USH2A: variants seen among roughly 807,000 people sequenced by gnomAD.
USH2A encodes the protein Usher syndrome 2A (autosomal recessive, mild).
In USH2A, 443 loss-of-function variants were observed where a neutral mutation model predicts 538.9. That is an observed-to-expected ratio of 0.82 (90% CI 0.76 to 0.89). The LOEUF (loss-of-function observed/expected upper bound fraction) is 0.89, where lower values mean the gene tolerates loss of function less well. Among genes scored for constraint, USH2A ranks in the 40% least tolerant of loss-of-function variants. USH2A has a pLI of 0.00. For missense variants in USH2A, 6,633 were observed against 6,324.8 expected, an observed-to-expected ratio of 1.05 and a Z score of -1.65; for synonymous variants, 2,413 against 2,273.5, an observed-to-expected ratio of 1.06 and a Z score of -1.75.
At chr1:215,983,110 C>CTGG (rs1667788213) in intron 35 of USH2A, among the ~76,000 whole-genome samples, 1 of 152,084 alleles carries the variant, frequency 6.6e-6, no homozygotes, top group Non-Finnish European at 1.5e-5. Context: ...GCCACCATGC[C>CTGG]CAGATAATTT....
chr1:216,105,465 G>C (rs978732741), intron 21 of USH2A, among the ~76,000 whole-genome samples: 3 of 151,964 alleles, frequency 2.0e-5, no homozygotes, highest in Non-Finnish European at 1.5e-5. Flanking sequence ...GACATTGGAA[G>C]TCTGAGTCTA....
intron 13 of USH2A, 111 bp downstream of exon 13, chr1:216,246,474 A>C: frequency 7.2e-7 from 1 of 1,395,754 alleles, no homozygotes; most frequent in South Asian, 1.2e-5. Context: ...TACAGTAATG[A>C]TTTTGGAAAT....
intron 49 of USH2A, 150 bp downstream of exon 49, chr1:215,813,586 G>A (rs1300069742): frequency 1.1e-6 from 1 of 898,990 alleles, no homozygotes; most frequent in Non-Finnish European, 1.8e-6. Context: ...GCAGAAGGAA[G>A]AAACAATATT....
intron 37 of USH2A, among the ~76,000 whole-genome samples, chr1:215,944,020 A>G (rs764840830): frequency 6.6e-6 from 1 of 152,176 alleles, no homozygotes; most frequent in South Asian, 2.1e-4. Context: ...AGATTTTTAA[A>G]TTAGCATTCA....
chr1:216,086,411 T>C (rs1436478618), intron 24 of USH2A, among the ~76,000 whole-genome samples: 7 of 152,092 alleles, frequency 4.6e-5, no homozygotes, highest in African/African-American at 1.7e-4. Context: ...CAATTTAAAA[T>C]CTTAGAAAAA....
At chr1:215,727,465 G>A (rs772448731) in intron 61 of USH2A, among the ~76,000 whole-genome samples, 19 of 152,044 alleles carry the variant, frequency 1.2e-4, no homozygotes, top group African/African-American at 4.1e-4. Flanking sequence ...AGTGGCTTAC[G>A]CCTGTAATCC....
At chr1:216,273,903 A>T (rs973219036) in intron 11 of USH2A, among the ~76,000 whole-genome samples, 22 of 152,136 alleles carry the variant, frequency 1.4e-4, no homozygotes, top group African/African-American at 5.3e-4. Context: ...AATACCAAAA[A>T]ATTTTGAATA....
chr1:215,798,320 C>A (rs1662202024), intron 50 of USH2A, among the ~76,000 whole-genome samples: 1 of 152,152 alleles, frequency 6.6e-6, no homozygotes, highest in Admixed American at 6.5e-5. Flanking sequence ...AAATGTCAGG[C>A]TTCCCAAAAT....
chr1:215,830,715 T>A (rs1343452932), intron 47 of USH2A, among the ~76,000 whole-genome samples: 1 of 152,196 alleles, frequency 6.6e-6, no homozygotes, highest in Non-Finnish European at 1.5e-5. Flanking sequence ...ATGCATAGCC[T>A]ATGCAAGCAG....
At chr1:216,110,762 G>A in intron 21 of USH2A, among the ~76,000 whole-genome samples, 1 of 152,170 alleles carries the variant, frequency 6.6e-6, no homozygotes, top group African/African-American at 2.4e-5. Flanking sequence ...TGGTTAAGCA[G>A]GACTGTGAAG....
intron 71 of USH2A, among the ~76,000 whole-genome samples, chr1:215,627,307 A>T (rs981533522): frequency 1.3e-5 from 2 of 152,110 alleles, no homozygotes; most frequent in African/African-American, 4.8e-5. Flanking sequence ...ACCCCAGAGG[A>T]GTAAACACAG....
chr1:215,644,912 C>A (rs1362528637), intron 67 of USH2A, among the ~76,000 whole-genome samples: 2 of 152,072 alleles, frequency 1.3e-5, no homozygotes, highest in Non-Finnish European at 2.9e-5. Context: ...GTAGAAGGAA[C>A]TTTGAATCAA....
At chr1:215,701,512 T>G (rs1426304618) in intron 61 of USH2A, among the ~76,000 whole-genome samples, 3 of 152,216 alleles carry the variant, frequency 2.0e-5, no homozygotes, top group Non-Finnish European at 4.4e-5. Flanking sequence ...CTGTATTGGG[T>G]GCATATAGAT....
chr1:215,629,633 A>T (rs1656190666), intron 70 of USH2A, among the ~76,000 whole-genome samples: 1 of 152,112 alleles, frequency 6.6e-6, no homozygotes, highest in Admixed American at 6.5e-5. Context: ...CAGGTCTGAT[A>T]TTAACATCAG....
intron 11 of USH2A, among the ~76,000 whole-genome samples, chr1:216,271,271 G>C (rs368136793): frequency 1.7e-3 from 256 of 152,160 alleles, no homozygotes; most frequent in Non-Finnish European, 2.9e-3. Context: ...GGAAGGGCAG[G>C]GTGGCCAAAA....
intron 32 of USH2A, among the ~76,000 whole-genome samples, chr1:216,000,796 T>C (rs111828412): frequency 4.1e-4 from 62 of 152,350 alleles, no homozygotes; most frequent in African/African-American, 1.4e-3. Context: ...CTTTTTCATT[T>C]TAACAGTTTT....
intron 21 of USH2A, among the ~76,000 whole-genome samples, chr1:216,131,095 A>C (rs1404444096): frequency 6.6e-6 from 1 of 151,846 alleles, no homozygotes. Flanking sequence ...TCTGTTGGCC[A>C]CTGTATATCC....
chr1:216,391,773 C>G (rs146552765), intron 3 of USH2A, among the ~76,000 whole-genome samples: 1 of 152,304 alleles, frequency 6.6e-6, no homozygotes, highest in African/African-American at 2.4e-5. Context: ...GGGTTGTTTC[C>G]CCTTGGGCGC....
chr1:216,200,977 A>ATCCCTCCCTCCCTTCC (rs2034977471), intron 16 of USH2A, among the ~76,000 whole-genome samples: 1 of 50,108 alleles, frequency 2.0e-5, no homozygotes, highest in African/African-American at 9.9e-5. Context: ...CCCCCCATCC[A>ATCCCTCCCTCCCTTCC]TCCCTCCCTC....
Sources: gnomAD v4.1 joint callset for allele counts (sites outside exome capture counted in the v4.1 genomes callset) on GRCh38, gnomAD v4.1.1 for gene constraint, MANE v1.5 for transcripts, NCBI Gene and HGNC (gene_info 2026-07-23, HGNC 2026-07-21) for gene names.